Variants in POLD2 observed in about 807,000 individuals in gnomAD.
The protein encoded by POLD2 is DNA polymerase delta subunit 2.
In POLD2, 31 loss-of-function variants were observed where a neutral mutation model predicts 48.8. The observed-to-expected ratio is 0.64, with a 90% CI of 0.48 to 0.86. The LOEUF (loss-of-function observed/expected upper bound fraction) is 0.86. POLD2 is among the 40% of genes least tolerant of loss of function. POLD2 has a pLI of 0.00. For synonymous variants in POLD2, 233 were observed against 256.3 expected (o/e 0.91, Z 0.87); for missense variants, 455 against 610.1 (o/e 0.75, Z 2.68).
Position 44,114,772 on chromosome 7 carries a change from C to A in POLD2, c.*13G>T, listed in dbSNP as rs1466186636. On this transcript the variant is annotated 3_prime_UTR_variant, in exon 11 of 11. Transcript: ENST00000610533. ...TCCATCTGGGCCTCTCTGGTCAAAA[C>A]CACTTTTTTGAGTCAGGGGCCCAGC... 6.3e-7 allele frequency: 1 copy of A among 1,598,722 alleles called. No individual in the cohort carries two copies. The highest frequency in any genetic ancestry group is 1.1e-5 in the South Asian group (1 of 90,498).
chr7:44,121,987 T>G lies in POLD2; in HGVS notation c.67A>C (p.Thr23Pro). ...LLSPPSANNATFARVPVATYT... is the reference protein window; with the variant it reads ...LLSPPSANNAPFARVPVATYT... Reference sequence around the variant, plus strand: ...GTTGCCACTGGCACCCGGGCAAAGGTGGCATTGTTGGCTGATGGTGGGGAC... The same window carrying G: ...GTTGCCACTGGCACCCGGGCAAAGGGGGCATTGTTGGCTGATGGTGGGGAC... Residue 23 changes from threonine (T) to proline (P), a missense_variant, in exon 2 of 11, where the codon ACC (threonine) becomes CCC (proline). By Grantham distance (38) the Thr-to-Pro change is conservative. Coordinates refer to ENST00000610533, the MANE Select transcript of POLD2 (RefSeq NM_006230.4). The surrounding 1 kb of genome is among the most constrained non-coding windows in gnomAD (Gnocchi z 4.5). 6.2e-7 allele frequency: 1 copy of G among 1,613,772 alleles called. No homozygotes were observed. Among genetic ancestry groups the G allele is most frequent in the Non-Finnish European group, 8.5e-7 (1 of 1,180,044 alleles).
rs1289632048 is a variant in POLD2, at chr7:44,114,964, G to C, written c.1250-19C>G. 1 of 1,590,944 alleles carries C rather than the reference G, an allele frequency of 6.3e-7. No homozygotes were observed. Among genetic ancestry groups the C allele is most frequent in the Non-Finnish European group, 8.6e-7 (1 of 1,163,736 alleles). ...TCAGGACCTGCAAAGAAGTCACATA[G>C]GACCCACTGTAGGTTCCAAGTAAGT... On this transcript the variant is annotated intron_variant, in intron 10 of 10. Transcript: ENST00000610533.
Position 44,115,647 on chromosome 7 carries a change from CCT to C in POLD2, c.1147+117_1147+118del. 13 of 1,171,904 alleles carry C rather than the reference CCT, an allele frequency of 1.1e-5. No homozygotes were observed. In the African/African-American group the frequency reaches 1.3e-4, roughly 11 times the overall value. The allele number at this position is 1,171,904 out of a possible 1,614,324, so 72.6% of individuals were successfully genotyped here. On this transcript the variant is annotated intron_variant, in intron 9 of 10. Transcript: ENST00000610533. Reference sequence around the variant, plus strand: ...GCAGGTGCCAAGCCTCTGAACTTCTCCTCAGACAGTTCTCAGCAATGCTGGCA... The same window carrying C: ...GCAGGTGCCAAGCCTCTGAACTTCTCCAGACAGTTCTCAGCAATGCTGGCA...
chr7:44,123,172 C>T (rs1024074968), intron 1 of POLD2: 12 of 1,044,814 alleles, frequency 1.1e-5, no homozygotes, highest in Non-Finnish European at 1.5e-5. Flanking sequence ...TTTTTTCGTA[C>T]ACCTACTAGA....
chr7:44,122,224 T>A, intron 1 of POLD2, 115 bp from the exon 2 acceptor site: 1 of 1,432,588 alleles, frequency 7.0e-7, no homozygotes. Context: ...CAGCTGTAGT[T>A]GACACCAGAC....
At position 44,122,014 on chromosome 7, in the gene POLD2, G is replaced by C; in HGVS notation, c.40C>G (p.Leu14Val). 1 of 1,613,636 alleles carries C rather than the reference G, an allele frequency of 6.2e-7. No homozygotes were observed. Among genetic ancestry groups the C allele is most frequent in the Non-Finnish European group, 8.5e-7 (1 of 1,180,046 alleles). Residue 14 changes from leucine to valine, a missense_variant, in exon 2 of 11, where the codon CTG becomes GTG. This residue lies in a region of POLD2 where 349 missense variants were observed against 437.4 expected (regional missense o/e 0.80). Transcript: ENST00000610533. ...GCATTGTTGGCTGATGGTGGGGACA[G>C]TAGAGTGTGGGCCCTCTGGGCAGCC... The part of the protein sequence containing the change: ...EQAAQRAHTL[L>V]SPPSANNATF...
chr7:44,120,746 C>T (rs3217952), intron 2 of POLD2, among the ~76,000 whole-genome samples: 3 of 152,124 alleles, frequency 2.0e-5, no homozygotes, highest in Non-Finnish European at 4.4e-5. Flanking sequence ...TGTAAAAGAG[C>T]CTTGCTTTCC....
At chr7:44,117,078 C>T in intron 5 of POLD2, 55 bp downstream of exon 5, 1 of 1,609,694 alleles carries the variant, frequency 6.2e-7, no homozygotes, top group Non-Finnish European at 8.5e-7. Flanking sequence ...CTAGGTGCAA[C>T]TCAAAGATTC....
rs745910316 is a variant in POLD2 at position 44,116,909 on chromosome 7, C to T, written c.688G>A (p.Gly230Arg). 4 of 1,613,820 alleles carry T rather than the reference C, an allele frequency of 2.5e-6. No homozygotes were observed. The highest frequency in any genetic ancestry group is 3.4e-6 in the Non-Finnish European group (4 of 1,180,002). The change falls in exon 6 of 11, where the codon GGG becomes AGG. Residue 230 changes from glycine (G) to arginine (R), a missense_variant. Coordinates refer to ENST00000610533, the MANE Select transcript of POLD2 (RefSeq NM_006230.4). This position sits in a 1 kb window ranked among gnomAD's most constrained non-coding sequence, Gnocchi z 6.1. ...DVVTGQLGDE[G>R]EQCSAAHVSR... ...ACGTGGGCGGCGCTGCACTGCTCCC[C>T]TTCGTCCCCAAGCTGCCCCGTCACC... is the stretch of plus-strand genomic sequence containing the variant.
At position 44,121,324 on chromosome 7, in the gene POLD2, C is replaced by A. The variant is rs1398233457; in HGVS notation, c.220+510G>T. ...AAGAACAAGGGTTGTGTTGGGCAGG[C>A]CACTTTATTAGGAAAGACAGAGGGC... On this transcript the variant is annotated intron_variant, in intron 2 of 10. Coordinates refer to ENST00000610533, the MANE Select transcript of POLD2 (RefSeq NM_006230.4). The surrounding 1 kb of genome is among the most constrained non-coding windows in gnomAD (Gnocchi z 4.5). Among the ~76,000 whole-genome samples the A allele has an allele frequency of 2.0e-5, 3 of 152,010 alleles. No homozygotes were observed. Among genetic ancestry groups the A allele is most frequent in the Non-Finnish European group, 4.4e-5 (3 of 68,000 alleles).
chr7:44,120,328 CG>C (rs1278969658), intron 2 of POLD2, among the ~76,000 whole-genome samples: 2 of 152,058 alleles, frequency 1.3e-5, no homozygotes, highest in African/African-American at 4.8e-5. Flanking sequence ...GAGGTGCTGC[CG>C]GAAAGAATCT....
At position 44,114,937 on chromosome 7, in the gene POLD2, C is replaced by A; in HGVS notation, c.1258G>T (p.Asp420Tyr). The A allele has an allele frequency of 6.2e-7, 1 of 1,603,960 alleles. No individual in the cohort carries two copies. Among genetic ancestry groups the A allele is most frequent in the Non-Finnish European group, 8.5e-7 (1 of 1,172,294 alleles). ...FGSKIIRGPE[D>Y]QTVLLVTVPD... ...ACAGTCACCAACAGCACTGTCTGGT[C>A]CTCAGGACCTGCAAAGAAGTCACAT... The change falls in exon 11 of 11, where the codon GAC becomes TAC. Residue 420 changes from aspartate to tyrosine, a missense_variant. Coordinates refer to ENST00000610533, the MANE Select transcript of POLD2 (RefSeq NM_006230.4).
At position 44,116,041 on chromosome 7, in the gene POLD2, C is replaced by T; in HGVS notation, c.1019+74G>A. Reference sequence around the variant, plus strand: ...TGCAGCCCTGCCACCTTCCTGGGCCCTCCCTCCCCTCCCTTCTTTGTGCCT... The same window carrying T: ...TGCAGCCCTGCCACCTTCCTGGGCCTTCCCTCCCCTCCCTTCTTTGTGCCT... On this transcript the variant is annotated intron_variant, in intron 8 of 10. Coordinates refer to ENST00000610533, the MANE Select transcript of POLD2 (RefSeq NM_006230.4). This position sits in a 1 kb window ranked among gnomAD's most constrained non-coding sequence, Gnocchi z 6.1. The T allele has an allele frequency of 6.2e-7, 1 of 1,601,002 alleles. No individual in the cohort carries two copies. Among genetic ancestry groups the T allele is most frequent in the Non-Finnish European group, 8.6e-7 (1 of 1,169,574 alleles).
chr7:44,118,088 C>CA (rs758247474), intron 2 of POLD2, 24 bp from the exon 3 acceptor site: 2 of 1,612,882 alleles, frequency 1.2e-6, no homozygotes, highest in East Asian at 4.5e-5. Flanking sequence ...GGTACAGACT[C>CA]AGAGATGAAG....
At position 44,117,731 on chromosome 7, in the gene POLD2, G is replaced by A. The variant is rs149868867; in HGVS notation, c.354C>T (p.Leu118=). Residue 118 remains leucine, a synonymous_variant, in exon 4 of 11, where the codon CTC becomes CTT. Coordinates refer to ENST00000610533, the MANE Select transcript of POLD2 (RefSeq NM_006230.4). ...TGTATTTACTCCGAGGAGGCTGGGG[G>A]AGCAGGTTGTGCTGGAATGCAGAGA... ...LREVSEEHNL[L]PQPPRSKYIH... 9.3e-4 allele frequency: 1,499 copies of A among 1,613,812 alleles called. 9 individuals are homozygous for A. The highest frequency in any genetic ancestry group is 1.1e-3 in the Non-Finnish European group (1,277 of 1,179,910).
intron 1 of POLD2, chr7:44,123,276 C>A (rs910433481): frequency 5.1e-6 from 7 of 1,361,094 alleles, no homozygotes; most frequent in Middle Eastern, 5.4e-4. Context: ...ACGAGTGACT[C>A]GTTAGGAGCT....
intron 10 of POLD2, 99 bp from the exon 11 acceptor site, chr7:44,115,044 T>TG: frequency 9.1e-7 from 1 of 1,093,970 alleles, no homozygotes; most frequent in Non-Finnish European, 1.3e-6. Context: ...TGGCACACAG[T>TG]GGGGCAGTGA....
rs1013600287 is a variant in POLD2, at chr7:44,114,848, G to A, written c.1347C>T (p.Pro449=). The part of the protein sequence containing the change: ...LVNLRSLACQ[P]ISFSGFGAED... The stretch of plus-strand genomic sequence containing the variant: ...CTGCCCCGAAGCCCGAGAAGCTGAT[G>A]GGCTGGCAGGCCAGGCTGCGCAGGT... The change falls in exon 11 of 11, where the codon CCC becomes CCT. Residue 449 remains proline, a synonymous_variant. Transcript: ENST00000610533. The A allele has an allele frequency of 3.1e-6, 5 of 1,613,908 alleles. No homozygotes were observed. The African/African-American group carries it at 5.3e-5, about 17-fold the overall frequency.
chr7:44,118,099 T>C (rs752471295), intron 2 of POLD2, 35 bp from the exon 3 acceptor site: 6 of 1,610,280 alleles, frequency 3.7e-6, no homozygotes, highest in South Asian at 1.1e-5. Flanking sequence ...AGAGATGAAG[T>C]AGCCCCCCCG....
Sources: allele counts gnomAD v4.1 joint callset (sites outside exome capture counted in the v4.1 genomes callset), GRCh38; gene constraint gnomAD v4.1.1; regional missense constraint gnomAD v4.1.1; non-coding constraint Gnocchi (gnomAD v3.1); transcripts MANE v1.5; gene names NCBI Gene and HGNC (gene_info 2026-07-23, HGNC 2026-07-21).